The following ATP6V0D2 variants were observed in gnomAD, a reference collection of about 807,000 sequenced individuals.
ATP6V0D2 encodes V-type proton ATPase subunit d 2.
In ATP6V0D2, 40 loss-of-function variants were observed where a neutral mutation model predicts 40.0. That is an observed-to-expected ratio of 1.00 (90% CI 0.78 to 1.30). ATP6V0D2 has a LOEUF of 1.30. Among genes scored for constraint, ATP6V0D2 ranks in the 50% most tolerant of loss-of-function variants. The pLI is 0.00. For missense variants in ATP6V0D2, 470 were observed against 423.1 expected (o/e 1.11, Z -0.97); for synonymous variants, 179 against 156.3 (o/e 1.15, Z -1.08).
chr8:86,128,408 G>C (rs1818775476), intron 2 of ATP6V0D2, among the ~76,000 whole-genome samples: 1 of 152,138 alleles, frequency 6.6e-6, no homozygotes, highest in Non-Finnish European at 1.5e-5. Flanking sequence ...CTGTGATCAA[G>C]CCAAATATTA....
At chr8:86,131,137 A>G (rs752404624) in intron 2 of ATP6V0D2, among the ~76,000 whole-genome samples, 10 of 151,998 alleles carry the variant, frequency 6.6e-5, no homozygotes, top group Non-Finnish European at 1.5e-5. Flanking sequence ...AATATAACAT[A>G]TTTAATTATA....
chr8:86,111,714 C>T (rs1296373228), intron 1 of ATP6V0D2, among the ~76,000 whole-genome samples: 1 of 152,176 alleles, frequency 6.6e-6, no homozygotes, highest in African/African-American at 2.4e-5. Context: ...CATACCTGTA[C>T]TAAGTCATCG....
At chr8:86,143,020 C>G (rs1394977369) in intron 5 of ATP6V0D2, 66 bp downstream of exon 5, 1 of 1,157,820 alleles carries the variant, frequency 8.6e-7, no homozygotes, top group Non-Finnish European at 1.2e-6. Flanking sequence ...TTGTTTTAAC[C>G]TTACTTATAT....
chr8:86,142,725 G>T, intron 4 of ATP6V0D2, 152 bp from the exon 5 acceptor site: 1 of 499,296 alleles, frequency 2.0e-6, no homozygotes, highest in Non-Finnish European at 3.5e-6. Context: ...CAATGTGAAA[G>T]CTTCTACCAA....
chr8:86,153,074 A>G lies in ATP6V0D2; in HGVS notation c.*97A>G. On this transcript the variant is annotated 3_prime_UTR_variant, in exon 8 of 8. Transcript: ENST00000285393. ...TATGTTATATTATCTAGACTACACA[A>G]AAGTAAGCCACACTATATCTTCATG... 1 of 1,059,892 alleles carries G rather than the reference A, an allele frequency of 9.4e-7. No individual in the cohort carries two copies. Among genetic ancestry groups the G allele is most frequent in the Non-Finnish European group, 1.3e-6 (1 of 772,854 alleles). 65.7% of individuals were successfully genotyped at this position (1,059,892 alleles called of 1,614,324 possible). A position where few individuals can be genotyped will look rare whatever the true frequency, so the allele number is the denominator to read the frequency against.
At chr8:86,121,598 G>GGAGGAGGAT (rs1563559195) in intron 2 of ATP6V0D2, among the ~76,000 whole-genome samples, 8 of 121,158 alleles carry the variant, frequency 6.6e-5, no homozygotes, top group Non-Finnish European at 1.2e-4. Flanking sequence ...AGGAGGAGGA[G>GGAGGAGGAT]GAGGAGGAGG....
At chr8:86,131,735 C>A (rs192880766) in intron 2 of ATP6V0D2, among the ~76,000 whole-genome samples, 273 of 150,280 alleles carry the variant, frequency 1.8e-3, no homozygotes, top group African/African-American at 6.5e-3. Flanking sequence ...TCCTGACCTC[C>A]GGTGATTTGC....
chr8:86,144,102 T>C (rs1227401243), intron 5 of ATP6V0D2, among the ~76,000 whole-genome samples: 3 of 152,224 alleles, frequency 2.0e-5, no homozygotes, highest in Non-Finnish European at 4.4e-5. Flanking sequence ...TCTACCTCTC[T>C]AGCTGATGTT....
intron 2 of ATP6V0D2, among the ~76,000 whole-genome samples, chr8:86,119,540 A>C (rs1173511076): frequency 6.6e-6 from 1 of 152,016 alleles, no homozygotes; most frequent in Non-Finnish European, 1.5e-5. Flanking sequence ...TAATCATAGA[A>C]TCTTAGACAT....
chr8:86,130,029 T>C (rs1818801242), intron 2 of ATP6V0D2, among the ~76,000 whole-genome samples: 2 of 151,154 alleles, frequency 1.3e-5, no homozygotes, highest in Admixed American at 1.3e-4. Flanking sequence ...AATAATAATC[T>C]ATACTTCTCT....
At chr8:86,140,117 T>C (rs1818953862) in intron 3 of ATP6V0D2, among the ~76,000 whole-genome samples, 1 of 152,210 alleles carries the variant, frequency 6.6e-6, no homozygotes, top group South Asian at 2.1e-4. Flanking sequence ...TTTTCTGAGA[T>C]GCTCAAGAGT....
At chr8:86,130,931 G>C (rs1339324198) in intron 2 of ATP6V0D2, among the ~76,000 whole-genome samples, 1 of 151,924 alleles carries the variant, frequency 6.6e-6, no homozygotes, top group Non-Finnish European at 1.5e-5. Context: ...CTCTGACTCA[G>C]TACTTGTAAG....
At chr8:86,137,164 C>T (rs1258282762) in intron 2 of ATP6V0D2, among the ~76,000 whole-genome samples, 3 of 152,124 alleles carry the variant, frequency 2.0e-5, no homozygotes, top group African/African-American at 7.2e-5. Context: ...TTCCGCCATC[C>T]TCTTCTCCCT....
chr8:86,104,446 A>G (rs533859396), intron 1 of ATP6V0D2, among the ~76,000 whole-genome samples: 1 of 152,318 alleles, frequency 6.6e-6, no homozygotes, highest in South Asian at 2.1e-4. Flanking sequence ...TGGAAAGATT[A>G]CCAAGATACA....
chr8:86,136,756 G>C (rs1190091005), intron 2 of ATP6V0D2, among the ~76,000 whole-genome samples: 2 of 152,142 alleles, frequency 1.3e-5, no homozygotes, highest in Admixed American at 6.5e-5. Flanking sequence ...TGCCCAGGAA[G>C]TCTGTACCCC....
intron 2 of ATP6V0D2, among the ~76,000 whole-genome samples, chr8:86,128,500 G>C (rs1818776130): frequency 6.6e-6 from 1 of 152,204 alleles, no homozygotes; most frequent in Non-Finnish European, 1.5e-5. Context: ...AGTTCAGACT[G>C]AGTATTGAGG....
At chr8:86,132,993 T>C (rs779939833) in intron 2 of ATP6V0D2, among the ~76,000 whole-genome samples, 10 of 152,174 alleles carry the variant, frequency 6.6e-5, no homozygotes, top group Non-Finnish European at 1.3e-4. Context: ...CAGCATATTT[T>C]ATTGTTTGTC....
chr8:86,137,077 T>G (rs901025171), intron 2 of ATP6V0D2, among the ~76,000 whole-genome samples: 5 of 152,160 alleles, frequency 3.3e-5, no homozygotes, highest in Non-Finnish European at 7.3e-5. Context: ...TTCTCTTCCT[T>G]CAAGGTCAGC....
chr8:86,129,090 C>T (rs996771771), intron 2 of ATP6V0D2, among the ~76,000 whole-genome samples: 1 of 152,188 alleles, frequency 6.6e-6, no homozygotes, highest in Non-Finnish European at 1.5e-5. Flanking sequence ...CTCCTTTATC[C>T]AAGGCACTCT....
Sources: allele counts gnomAD v4.1 joint callset (sites outside exome capture counted in the v4.1 genomes callset), GRCh38; gene constraint gnomAD v4.1.1; transcripts MANE v1.5; gene names NCBI Gene and HGNC (gene_info 2026-07-23, HGNC 2026-07-21).